Variants in INTS8 observed in about 807,000 individuals in gnomAD.
INTS8 encodes protein kaonashi-1.
In INTS8, 47 loss-of-function variants were observed where a neutral mutation model predicts 138.9. The ratio of observed to expected loss-of-function variants is 0.34; its 90% confidence interval spans 0.27 to 0.43. The LOEUF is 0.43. Among genes scored for constraint, INTS8 ranks in the 20% least tolerant of loss-of-function variants. The pLI, the probability that INTS8 is intolerant of heterozygous loss-of-function variation, is 1.00. For missense variants in INTS8, 996 were observed against 1,173.0 expected (o/e 0.85, Z 2.20); for synonymous variants, 392 against 400.9 (o/e 0.98, Z 0.27).
Position 94,832,092 on chromosome 8 carries a change from C to A in INTS8, c.671C>A (p.Ala224Asp). 1 of 1,613,664 alleles carries A rather than the reference C, an allele frequency of 6.2e-7. No homozygotes were observed. Among genetic ancestry groups the A allele is most frequent in the Non-Finnish European group, 8.5e-7 (1 of 1,179,786 alleles). ...VHTMRTLDLL[A>D]MEPGMVNGET... ...ACGATGAGAACTCTAGATTTATTGGCCATGGAACCAGGCATGGTAAATGGA... is the reference window on the plus strand; with the variant it reads ...ACGATGAGAACTCTAGATTTATTGGACATGGAACCAGGCATGGTAAATGGA... The change falls in exon 6 of 27, where the codon GCC becomes GAC. Residue 224 changes from alanine to aspartate, a missense_variant. Ala to Asp is a moderately radical substitution (Grantham distance 126). Transcript: ENST00000523731.
intron 10 of INTS8, among the ~76,000 whole-genome samples, chr8:94,847,127 C>G (rs749478088): frequency 6.6e-6 from 1 of 152,112 alleles, no homozygotes; most frequent in Non-Finnish European, 1.5e-5. Context: ...TACAACTTCC[C>G]TCTCCAGCTT....
chr8:94,880,332 T>C lies in INTS8; in HGVS notation c.*98T>C, dbSNP rs1816759541. 2 of 613,072 alleles carry C rather than the reference T, an allele frequency of 3.3e-6. No individual in the cohort carries two copies. Among genetic ancestry groups the C allele is most frequent in the Non-Finnish European group, 5.7e-6 (2 of 353,192 alleles). 38.0% of individuals were successfully genotyped at this position (613,072 alleles called of 1,614,324 possible). A position where few individuals can be genotyped will look rare whatever the true frequency, so the allele number is the denominator to read the frequency against. On this transcript the variant is annotated 3_prime_UTR_variant, in exon 27 of 27. Coordinates refer to ENST00000523731, the MANE Select transcript of INTS8 (RefSeq NM_017864.4). ...ATATAATACATATGTACACAATTAG[T>C]GGTGTTTTCTTTTCAGACAAAATAC...
intron 10 of INTS8, among the ~76,000 whole-genome samples, chr8:94,846,933 T>C (rs1815353365): frequency 6.6e-6 from 1 of 152,244 alleles, no homozygotes; most frequent in Non-Finnish European, 1.5e-5. Flanking sequence ...ATGTCTGGAA[T>C]AGACCCAACT....
rs1380083860 is a variant in INTS8, at chr8:94,865,561, G to A, written c.2132G>A (p.Arg711Lys). ...CKELPGPKES[R>K]RTAKDLWEVV... ...GAACTTCCAGGCCCTAAAGAAAGTA[G>A]ACGGACTGCCAAAGACCTTTGGGAA... Residue 711 changes from arginine (R) to lysine (K), a missense_variant, in exon 17 of 27, where the codon AGA (arginine) becomes AAA (lysine). Arg to Lys is a conservative substitution (Grantham distance 26). Transcript: ENST00000523731. The A allele has an allele frequency of 1.2e-6, 2 of 1,614,138 alleles. No homozygotes were observed. Among genetic ancestry groups the A allele is most frequent in the Admixed American group, 1.7e-5 (1 of 60,022 alleles).
At position 94,849,958 on chromosome 8, in the gene INTS8, G is replaced by A. The variant is rs780868421; in HGVS notation, c.1374G>A (p.Met458Ile). Residue 458 changes from methionine to isoleucine, a missense_variant, in exon 12 of 27, where the codon ATG (methionine) becomes ATA (isoleucine). By Grantham distance (10) the Met-to-Ile change is conservative. Coordinates refer to ENST00000523731, the MANE Select transcript of INTS8 (RefSeq NM_017864.4). ...LGLEDLQYVF[M>I]ISSHELFITL... ...TGGAAGATCTGCAGTATGTTTTCAT[G>A]ATTTCTTCACATGAGCTTTTCATTA... The A allele has an allele frequency of 1.9e-6, 3 of 1,612,734 alleles. No homozygotes were observed. The highest frequency in any genetic ancestry group is 2.5e-6 in the Non-Finnish European group (3 of 1,179,338).
chr8:94,860,593 A>AC (rs1239868880), intron 16 of INTS8, among the ~76,000 whole-genome samples: 18 of 150,554 alleles, frequency 1.2e-4, no homozygotes, highest in African/African-American at 4.1e-4. Context: ...AAAAAAAAAA[A>AC]AAAAAAAAAA....
At chr8:94,874,453 C>T in intron 22 of INTS8, 99 bp from the exon 23 acceptor site, 7 of 724,402 alleles carry the variant, frequency 9.7e-6, no homozygotes, top group South Asian at 9.0e-5. Context: ...CGTTCCTCCA[C>T]ACACAGCTTC....
intron 16 of INTS8, among the ~76,000 whole-genome samples, chr8:94,860,988 C>T (rs1331498897): frequency 2.1e-5 from 3 of 143,830 alleles, no homozygotes; most frequent in Admixed American, 7.2e-5. Context: ...ACCCGGGAGG[C>T]GGAGCTTGCA....
chr8:94,838,330 G>A (rs1262954008), intron 7 of INTS8, 133 bp from the exon 8 acceptor site: 19 of 643,950 alleles, frequency 3.0e-5, no homozygotes, highest in Middle Eastern at 4.5e-4. Context: ...GATTACAGGC[G>A]TGAACCGCTG....
At chr8:94,824,348 T>G (rs1358723407) in intron 1 of INTS8, among the ~76,000 whole-genome samples, 3 of 152,226 alleles carry the variant, frequency 2.0e-5, no homozygotes, top group African/African-American at 7.2e-5. Context: ...TATAATGCCC[T>G]TAATTCATTC....
chr8:94,873,177 A>G (rs1422243203), intron 21 of INTS8, among the ~76,000 whole-genome samples, 197 bp from the exon 22 acceptor site: 2 of 152,246 alleles, frequency 1.3e-5, no homozygotes, highest in African/African-American at 4.8e-5. Flanking sequence ...TCGTTTGGAC[A>G]TTTGGGAAAT....
chr8:94,828,168 T>C (rs879927739), intron 4 of INTS8, among the ~76,000 whole-genome samples: 5 of 151,916 alleles, frequency 3.3e-5, no homozygotes, highest in Non-Finnish European at 7.4e-5. Context: ...GCCTCCCAAG[T>C]AGCTGGGATT....
chr8:94,831,928 A>G (rs559016415), intron 5 of INTS8, 64 bp from the exon 6 acceptor site: 7 of 1,325,562 alleles, frequency 5.3e-6, no homozygotes, highest in East Asian at 2.5e-5. Flanking sequence ...TAGACTGTAA[A>G]TATTTTTGGT....
chr8:94,874,707 A>G, intron 23 of INTS8, 105 bp downstream of exon 23: 1 of 667,502 alleles, frequency 1.5e-6, no homozygotes, highest in South Asian at 1.8e-5. Context: ...CCATATCAAA[A>G]TCACTTAGGG....
intron 2 of INTS8, among the ~76,000 whole-genome samples, chr8:94,826,593 T>G (rs2130990193): frequency 6.6e-6 from 1 of 152,300 alleles, no homozygotes; most frequent in Admixed American, 6.5e-5. Flanking sequence ...TCTAAGTTTT[T>G]TAGATGTGAA....
At chr8:94,828,860 A>G (rs1814608004) in intron 4 of INTS8, 115 bp from the exon 5 acceptor site, 1 of 696,392 alleles carries the variant, frequency 1.4e-6, no homozygotes, top group Non-Finnish European at 2.5e-6. Context: ...AATGAATAAC[A>G]TTAAAAACAC....
At chr8:94,871,156 A>G (rs1221505766) in intron 20 of INTS8, among the ~76,000 whole-genome samples, 1 of 152,038 alleles carries the variant, frequency 6.6e-6, no homozygotes, top group South Asian at 2.1e-4. Context: ...GTAACTTCTC[A>G]TAGATAACAG....
chr8:94,863,908 A>G (rs1342387549), intron 16 of INTS8, among the ~76,000 whole-genome samples: 2 of 152,122 alleles, frequency 1.3e-5, no homozygotes, highest in African/African-American at 2.4e-5. Context: ...GTCCATGTCT[A>G]TTCACCTAGT....
At chr8:94,827,054 A>G (rs1207045999) in intron 2 of INTS8, among the ~76,000 whole-genome samples, 3 of 152,184 alleles carry the variant, frequency 2.0e-5, no homozygotes, top group Non-Finnish European at 4.4e-5. Context: ...GCAGTGAGCC[A>G]AGATTGTGCC....
Sources: gnomAD v4.1 joint callset for allele counts (sites outside exome capture counted in the v4.1 genomes callset) on GRCh38, gnomAD v4.1.1 for gene constraint, MANE v1.5 for transcripts, NCBI Gene and HGNC (gene_info 2026-07-23, HGNC 2026-07-21) for gene names.